NKD2: variants seen among roughly 807,000 people sequenced by gnomAD.
The protein encoded by NKD2 is NKD inhibitor of Wnt signaling pathway 2, also known as protein naked cuticle homolog 2.
A neutral mutation model predicts 34.8 loss-of-function variants in NKD2; 43 were observed. The observed-to-expected ratio is 1.24, with a 90% CI of 0.97 to 1.60. The LOEUF (loss-of-function observed/expected upper bound fraction) is 1.60. NKD2 is among the 40% of genes most tolerant of loss of function. The probability of loss-of-function intolerance (pLI) is 0.00; values close to 1 mark genes in which losing one functional copy is unlikely to be tolerated. For missense variants in NKD2, 675 were observed against 627.1 expected (o/e 1.08, Z -0.82); for synonymous variants, 278 against 265.1 (o/e 1.05, Z -0.47).
rs139135966 is a variant in NKD2 at position 1,038,267 on chromosome 5, C to T, written c.1250C>T (p.Thr417Met). 1.1e-3 allele frequency: 1,782 copies of T among 1,576,696 alleles called. 16 individuals are homozygous for T. In the African/African-American group the frequency reaches 0.021, roughly 19 times the overall value. The change falls in exon 10 of 10, where the codon ACG (threonine) becomes ATG (methionine). Residue 417 changes from threonine to methionine, a missense_variant. Transcript: ENST00000296849. This position sits in a 1 kb window ranked among gnomAD's most constrained non-coding sequence, Gnocchi z 4.5. ...GAGGTGGTGCGGGACCTGCCGCCCACGCCAGCAGGAGAGGGCTACGCGGTG... is the reference window on the plus strand; with the variant it reads ...GAGGTGGTGCGGGACCTGCCGCCCATGCCAGCAGGAGAGGGCTACGCGGTG... The part of the protein sequence containing the change: ...EHEVVRDLPP[T>M]PAGEGYAVPV...
At chr5:1,034,984 A>C in intron 7 of NKD2, 81 bp downstream of exon 7, 2 of 1,328,722 alleles carry the variant, frequency 1.5e-6, no homozygotes, top group Non-Finnish European at 2.1e-6. Flanking sequence ...ACAGGGAGGG[A>C]CAAGTGAGTG....
At chr5:1,034,432 C>T (rs1163754010) in intron 6 of NKD2, 102 bp downstream of exon 6, 2 of 971,502 alleles carry the variant, frequency 2.1e-6, no homozygotes, top group Admixed American at 2.2e-5. Context: ...GGGGACCTGC[C>T]TGCTGCGAGG....
At chr5:1,037,236 T>G (rs1734026937) in intron 9 of NKD2, among the ~76,000 whole-genome samples, 1 of 152,072 alleles carries the variant, frequency 6.6e-6, no homozygotes. Context: ...CCCCAAGGGC[T>G]GGGGCCAAGT....
At chr5:1,019,771 C>T (rs1011059387) in intron 3 of NKD2, among the ~76,000 whole-genome samples, 1 of 152,058 alleles carries the variant, frequency 6.6e-6, no homozygotes, top group South Asian at 2.1e-4. Context: ...CCCTGAAACG[C>T]GGCAGGGTTC....
intron 3 of NKD2, among the ~76,000 whole-genome samples, chr5:1,026,296 T>A (rs36142073): frequency 1.1e-3 from 27 of 24,860 alleles, no homozygotes; most frequent in South Asian, 2.6e-3. Flanking sequence ...GTCCCAGCCC[T>A]TTGTCCCTGC....
chr5:1,026,644 G>C (rs1348112096), intron 3 of NKD2, among the ~76,000 whole-genome samples: 2 of 152,104 alleles, frequency 1.3e-5, no homozygotes, highest in Non-Finnish European at 2.9e-5. Flanking sequence ...TTGGGATCCA[G>C]ACATCACCCT....
chr5:1,009,607 G>A lies in NKD2; in HGVS notation c.141+47G>A, dbSNP rs1406927554. On this transcript the variant is annotated intron_variant, in intron 3 of 9. Transcript: ENST00000296849. This position sits in a 1 kb window ranked among gnomAD's most constrained non-coding sequence, Gnocchi z 6.9. ...GGGGTCGCGCTGCGCACCCGCCCGG[G>A]GGCGGGGAGCGGTGTCAGAGCTGTT... 3 of 1,378,076 alleles carry A rather than the reference G, an allele frequency of 2.2e-6. No individual in the cohort carries two copies. The highest frequency in any genetic ancestry group is 2.8e-6 in the Non-Finnish European group (3 of 1,069,894). The allele number at this position is 1,378,076 out of a possible 1,614,324, so 85.4% of individuals were successfully genotyped here.
intron 3 of NKD2, among the ~76,000 whole-genome samples, chr5:1,014,849 T>C (rs1361317067): frequency 1.3e-5 from 2 of 152,252 alleles, no homozygotes; most frequent in Admixed American, 6.5e-5. Context: ...GGAGCCACCA[T>C]ATGGCCGTGT....
In NKD2 at chr5:1,038,337, C is replaced by G; in HGVS notation, c.1320C>G (p.His440Gln). ...RHEHHHHHEH[H>Q]HHHHHHHFHP... ...AGCACCACCACCACCACGAGCACCA[C>G]CACCACCACCACCACCACCACTTCC... is the stretch of plus-strand genomic sequence containing the variant. Residue 440 changes from histidine to glutamine, a missense_variant, in exon 10 of 10, where the codon CAC becomes CAG. Transcript: ENST00000296849. This position sits in a 1 kb window ranked among gnomAD's most constrained non-coding sequence, Gnocchi z 4.5. 1 of 1,521,530 alleles carries G rather than the reference C, an allele frequency of 6.6e-7. No homozygotes were observed. Among genetic ancestry groups the G allele is most frequent in the Non-Finnish European group, 8.8e-7 (1 of 1,140,134 alleles). The allele number at this position is 1,521,530 out of a possible 1,614,324, so 94.3% of individuals were successfully genotyped here. A position where few individuals can be genotyped will look rare whatever the true frequency, so the allele number is the denominator to read the frequency against.
chr5:1,028,684 A>G (rs1756520919), intron 3 of NKD2, among the ~76,000 whole-genome samples: 1 of 151,928 alleles, frequency 6.6e-6, no homozygotes, highest in Admixed American at 6.5e-5. Context: ...GGAGGCGCCT[A>G]GGCACCCCAA....
chr5:1,029,007 C>T (rs888774398), intron 3 of NKD2, among the ~76,000 whole-genome samples: 8 of 152,156 alleles, frequency 5.3e-5, no homozygotes, highest in Non-Finnish European at 1.0e-4. Flanking sequence ...GCCAGCGGCC[C>T]GGGGGCAGGT....
At chr5:1,011,718 C>T (rs996418007) in intron 3 of NKD2, among the ~76,000 whole-genome samples, 1 of 152,230 alleles carries the variant, frequency 6.6e-6, no homozygotes, top group Non-Finnish European at 1.5e-5. Context: ...CCCAAAATAA[C>T]ACAAATGAGA....
intron 9 of NKD2, 119 bp downstream of exon 9, chr5:1,036,503 A>ACCCCCCCCCC (rs1491491725): frequency 1.2e-4 from 24 of 207,790 alleles, no homozygotes; most frequent in African/African-American, 6.1e-4. Context: ...CCCCCCCCCA[A>ACCCCCCCCCC]CCCCCCCCAC....
intron 7 of NKD2, 144 bp downstream of exon 7, chr5:1,035,047 GGTGA>G (rs752186705): frequency 5.2e-5 from 39 of 752,824 alleles, no homozygotes; most frequent in Non-Finnish European, 7.9e-5. Context: ...TGAGTAAGTG[GGTGA>G]GTGAGTGAGA....
chr5:1,038,131 C>A lies in NKD2; in HGVS notation c.1114C>A (p.Leu372Ile). Residue 372 changes from leucine to isoleucine, a missense_variant, in exon 10 of 10, where the codon CTC (leucine) becomes ATC (isoleucine). Coordinates refer to ENST00000296849, the MANE Select transcript of NKD2 (RefSeq NM_033120.4). The surrounding 1 kb of genome is among the most constrained non-coding windows in gnomAD (Gnocchi z 4.5). ...CCAGGCCCCTCAGGACGGCCACCAC[C>A]TCCCGCAGCCCCCACCGCCACCCTA... Reference protein sequence around the residue: ...PPQAPQDGHHLPQPPPPPYGH... With the variant: ...PPQAPQDGHHIPQPPPPPYGH... 1 of 1,589,888 alleles carries A rather than the reference C, an allele frequency of 6.3e-7. No homozygotes were observed. The highest frequency in any genetic ancestry group is 1.7e-5 in the Admixed American group (1 of 57,486).
chr5:1,008,995 GC>G lies in NKD2; in HGVS notation c.-59del. 1 of 419,136 alleles carries G rather than the reference GC, an allele frequency of 2.4e-6. No individual in the cohort carries two copies. Among genetic ancestry groups the G allele is most frequent in the Non-Finnish European group, 4.2e-6 (1 of 239,328 alleles). 26.0% of individuals were successfully genotyped at this position (419,136 alleles called of 1,614,324 possible). ...CCCATGCGGCCCCCGCGGGCTCCCG[GC>G]CCCGGCTTCAGAACTCAGCCCTGCA... On this transcript the variant is annotated 5_prime_UTR_variant, in exon 1 of 10. It removes the in-frame stop codon of an upstream open reading frame in the 5' UTR. Transcript: ENST00000296849.
intron 3 of NKD2, among the ~76,000 whole-genome samples, chr5:1,025,712 C>T (rs369462418): frequency 0.3 from 3,918 of 13,132 alleles, 6 homozygotes; most frequent in Non-Finnish European, 0.44. Flanking sequence ...TGTGGGCGTC[C>T]CAGCCCATTG....
intron 3 of NKD2, among the ~76,000 whole-genome samples, chr5:1,027,372 C>T (rs559297425): frequency 3.9e-5 from 6 of 152,320 alleles, no homozygotes; most frequent in African/African-American, 9.6e-5. Flanking sequence ...TTCTGGATAA[C>T]GTCCCAGACT....
In NKD2 at chr5:1,026,039, G is replaced by T. The variant is rs568667254; in HGVS notation, c.142-6113G>T. Among the ~76,000 whole-genome samples the T allele has an allele frequency of 9.2e-4, 62 of 67,544 alleles. 8 individuals carry two copies. Among genetic ancestry groups the T allele is most frequent in the African/African-American group, 3.2e-3 (54 of 16,960 alleles). 44.3% of individuals were successfully genotyped at this position (67,544 alleles called of 152,430 possible). A position where few individuals can be genotyped will look rare whatever the true frequency, so the allele number is the denominator to read the frequency against. ...CCTGCTCTTCCCACCCTCTGTGGGC[G>T]TCCCAGCCCATTGTCCCTGCTCTTC... On this transcript the variant is annotated intron_variant, in intron 3 of 9. Transcript: ENST00000296849.
Sources: allele counts gnomAD v4.1 joint callset (sites outside exome capture counted in the v4.1 genomes callset), GRCh38; gene constraint gnomAD v4.1.1; non-coding constraint Gnocchi (gnomAD v3.1); transcripts MANE v1.5; gene names NCBI Gene and HGNC (gene_info 2026-07-23, HGNC 2026-07-21).